Variants in YAP1 observed in about 807,000 individuals in gnomAD.
YAP1 encodes Yes1 associated transcriptional regulator, also known as transcriptional coactivator YAP1.
A neutral mutation model predicts 56.9 loss-of-function variants in YAP1; 5 were observed. That is an observed-to-expected ratio of 0.09 (90% CI 0.05 to 0.18). The LOEUF is 0.18. YAP1 is among the 10% of genes least tolerant of loss of function. YAP1 has a pLI of 1.00. For synonymous variants in YAP1, 265 were observed against 248.1 expected (o/e 1.07, Z -0.64); for missense variants, 539 against 651.8 (o/e 0.83, Z 1.88).
At chr11:102,184,267 G>A (rs762697810) in intron 3 of YAP1, among the ~76,000 whole-genome samples, 1 of 152,180 alleles carries the variant, frequency 6.6e-6, no homozygotes, top group African/African-American at 2.4e-5. Context: ...CCATTTTACA[G>A]TTAAAGATAG....
chr11:102,135,127 C>T (rs1197921766), intron 2 of YAP1, among the ~76,000 whole-genome samples: 1 of 152,122 alleles, frequency 6.6e-6, no homozygotes, highest in African/African-American at 2.4e-5. Flanking sequence ...CGTTAGCCTC[C>T]CAAAGTACTG....
intron 6 of YAP1, among the ~76,000 whole-genome samples, chr11:102,219,799 T>C (rs1949833461): frequency 6.6e-6 from 1 of 152,014 alleles, no homozygotes; most frequent in Non-Finnish European, 1.5e-5. Flanking sequence ...AGTCTCGCTC[T>C]GTCACCTAGG....
At chr11:102,191,569 A>T (rs1321669481) in intron 4 of YAP1, among the ~76,000 whole-genome samples, 1 of 152,212 alleles carries the variant, frequency 6.6e-6, no homozygotes, top group Non-Finnish European at 1.5e-5. Context: ...ATACATGAAA[A>T]TTTGAGAGGG....
chr11:102,227,021 C>G (rs1486000718), intron 7 of YAP1: 1 of 159,822 alleles, frequency 6.3e-6, no homozygotes, highest in African/African-American at 2.4e-5. Context: ...CCTCGCCCAC[C>G]TGGAGTTTGT....
intron 3 of YAP1, among the ~76,000 whole-genome samples, chr11:102,172,310 T>G (rs1946953112): frequency 7.3e-6 from 1 of 137,586 alleles, no homozygotes; most frequent in Non-Finnish European, 1.6e-5. Flanking sequence ...ATTTTTTTTT[T>G]TTTTTTTTTT....
Position 102,231,737 on chromosome 11 carries a change from A to G in YAP1, c.*1797A>G, listed in dbSNP as rs536797144. Reference sequence around the variant, plus strand: ...GTTTTAAGGGTCTTTCAATGTTTCTAGAATAAGCCCTTATTTTCAAGGGTT... The same window carrying G: ...GTTTTAAGGGTCTTTCAATGTTTCTGGAATAAGCCCTTATTTTCAAGGGTT... On this transcript the variant is annotated 3_prime_UTR_variant, in exon 9 of 9. Transcript: ENST00000282441. 6.5e-6 allele frequency: 1 copy of G among 152,728 alleles called. No individual in the cohort carries two copies. The highest frequency in any genetic ancestry group is 2.1e-4 in the South Asian group (1 of 4,830). 9.5% of individuals were successfully genotyped at this position (152,728 alleles called of 1,614,324 possible). A position where few individuals can be genotyped will look rare whatever the true frequency, so the allele number is the denominator to read the frequency against.
At chr11:102,203,034 T>C (rs545930473) in intron 4 of YAP1, among the ~76,000 whole-genome samples, 3 of 152,244 alleles carry the variant, frequency 2.0e-5, no homozygotes, top group African/African-American at 7.2e-5. Context: ...CTTTGACAAA[T>C]AAATGACAAA....
intron 2 of YAP1, among the ~76,000 whole-genome samples, chr11:102,157,379 T>A (rs1252473984): frequency 6.6e-6 from 1 of 152,174 alleles, no homozygotes; most frequent in Non-Finnish European, 1.5e-5. Context: ...GCGTGTAGGT[T>A]TAGCTAGTTT....
intron 6 of YAP1, among the ~76,000 whole-genome samples, 191 bp from the exon 7 acceptor site, chr11:102,223,431 A>G (rs2135702518): frequency 6.6e-6 from 1 of 152,272 alleles, no homozygotes; most frequent in African/African-American, 2.4e-5. Flanking sequence ...GACTTTAAAT[A>G]TATGTAACTT....
intron 3 of YAP1, among the ~76,000 whole-genome samples, chr11:102,176,044 C>T (rs1046412654): frequency 6.6e-6 from 1 of 151,970 alleles, no homozygotes; most frequent in Non-Finnish European, 1.5e-5. Flanking sequence ...TGGAAGACTC[C>T]TTTGTAAAAA....
At chr11:102,169,844 A>C (rs916971607) in intron 3 of YAP1, among the ~76,000 whole-genome samples, 1 of 152,200 alleles carries the variant, frequency 6.6e-6, no homozygotes, top group African/African-American at 2.4e-5. Context: ...AAAAATGATA[A>C]TATGGAAACA....
chr11:102,151,444 GTCC>G (rs2135348929), intron 2 of YAP1, among the ~76,000 whole-genome samples: 1 of 152,232 alleles, frequency 6.6e-6, no homozygotes, highest in East Asian at 1.9e-4. Context: ...ACCTTTATGT[GTCC>G]TCCTCTGTAT....
At chr11:102,156,431 A>G (rs1203622118) in intron 2 of YAP1, among the ~76,000 whole-genome samples, 1 of 152,226 alleles carries the variant, frequency 6.6e-6, no homozygotes, top group East Asian at 1.9e-4. Flanking sequence ...TGGGAACCAC[A>G]TTTTGAAAAA....
At chr11:102,139,021 A>G (rs1196027602) in intron 2 of YAP1, among the ~76,000 whole-genome samples, 1 of 151,876 alleles carries the variant, frequency 6.6e-6, no homozygotes, top group African/African-American at 2.4e-5. Flanking sequence ...AGCAAAGCAT[A>G]TATGTCTTTC....
At chr11:102,213,544 C>T (rs1449677397) in intron 6 of YAP1, among the ~76,000 whole-genome samples, 1 of 152,096 alleles carries the variant, frequency 6.6e-6, no homozygotes, top group East Asian at 1.9e-4. Flanking sequence ...CCTATGAGAT[C>T]GAGTTTAAAC....
At chr11:102,191,374 T>A (rs1435791670) in intron 4 of YAP1, among the ~76,000 whole-genome samples, 13 of 151,568 alleles carry the variant, frequency 8.6e-5, no homozygotes, top group East Asian at 1.9e-4. Context: ...TTTTTTTTTT[T>A]AAATGCTGGG....
intron 2 of YAP1, among the ~76,000 whole-genome samples, chr11:102,117,294 A>T (rs1021658760): frequency 4.6e-5 from 7 of 152,190 alleles, no homozygotes; most frequent in Non-Finnish European, 1.5e-5. Context: ...TCAGATGTAG[A>T]ATGAAGATTT....
chr11:102,134,690 A>C (rs1267502508), intron 2 of YAP1, among the ~76,000 whole-genome samples: 3 of 151,780 alleles, frequency 2.0e-5, no homozygotes, highest in African/African-American at 7.3e-5. Flanking sequence ...TCCAGAGGTA[A>C]CTTCTGGCCT....
rs954842903 is a variant in YAP1, at chr11:102,150,393, G to A, written c.573-12063G>A. On this transcript the variant is annotated intron_variant, in intron 2 of 8. Transcript: ENST00000282441. ...TTGATCTTTGGCCAAGTAAAGTATT[G>A]CCAGTCAGTGTCTTGGGAGATTTTA... 2.0e-5 allele frequency among the ~76,000 whole-genome samples: 3 copies of A among 152,286 alleles called. No individual in the cohort carries two copies. In the South Asian group the frequency reaches 6.2e-4, roughly 32 times the overall value.
Sources: allele counts gnomAD v4.1 joint callset (sites outside exome capture counted in the v4.1 genomes callset), GRCh38; gene constraint gnomAD v4.1.1; transcripts MANE v1.5; gene names NCBI Gene and HGNC (gene_info 2026-07-23, HGNC 2026-07-21).